Variants in CEP85L observed in about 807,000 individuals in gnomAD.
CEP85L encodes centrosomal protein 85L.
CEP85L carries 60 observed loss-of-function variants against 100.3 expected under a neutral mutation model. That is an observed-to-expected ratio of 0.60 (90% CI 0.49 to 0.74). The LOEUF (loss-of-function observed/expected upper bound fraction) is 0.74, where lower values mean the gene tolerates loss of function less well. CEP85L is among the 30% of genes least tolerant of loss of function. The pLI is 0.00. For synonymous variants in CEP85L, 319 were observed against 322.7 expected, an observed-to-expected ratio of 0.99 and a Z score of 0.12; for missense variants, 973 against 936.2, an observed-to-expected ratio of 1.04 and a Z score of -0.51.
At chr6:118,529,575 T>C (rs1777166210) in intron 3 of CEP85L, among the ~76,000 whole-genome samples, 2 of 124,446 alleles carry the variant, frequency 1.6e-5, no homozygotes, top group South Asian at 2.5e-4. Context: ...ACCACTGCAC[T>C]ACAGCCTGGG....
chr6:118,520,097 A>G (rs1469802222), intron 4 of CEP85L, among the ~76,000 whole-genome samples: 1 of 152,220 alleles, frequency 6.6e-6, no homozygotes, highest in Non-Finnish European at 1.5e-5. Context: ...ATCACACTTA[A>G]TGGTGAAAGG....
intron 3 of CEP85L, among the ~76,000 whole-genome samples, chr6:118,558,654 C>CAGAGAGAGAGAGAGAGAGAG (rs1376671743): frequency 2.3e-5 from 3 of 131,544 alleles, no homozygotes; most frequent in African/African-American, 9.8e-5. Flanking sequence ...CACACACACA[C>CAGAGAGAGAGAGAGAGAGAG]ACACACAGAG....
intron 1 of CEP85L, among the ~76,000 whole-genome samples, chr6:118,701,312 AC>A (rs1161963799): frequency 2.0e-5 from 3 of 152,228 alleles, no homozygotes; most frequent in Non-Finnish European, 2.9e-5. Context: ...TGCCAAAAAA[AC>A]ACATGCACTC....
intron 5 of CEP85L, chr6:118,503,050 T>A (rs1775408141): frequency 4.7e-6 from 1 of 212,974 alleles, no homozygotes; most frequent in Non-Finnish European, 9.5e-6. Flanking sequence ...TTCGGAACAG[T>A]GAAAACAAAC....
chr6:118,628,549 A>G (rs1246719535), intron 2 of CEP85L, among the ~76,000 whole-genome samples: 1 of 151,976 alleles, frequency 6.6e-6, no homozygotes. Context: ...TTAATTAAAA[A>G]AAAAAGGAGA....
intron 2 of CEP85L, among the ~76,000 whole-genome samples, chr6:118,570,456 T>C (rs891365498): frequency 3.3e-5 from 5 of 152,196 alleles, no homozygotes; most frequent in African/African-American, 1.2e-4. Context: ...CTCAGTACTT[T>C]CCAAATGCAA....
chr6:118,568,326 T>A (rs1010019814), intron 2 of CEP85L, among the ~76,000 whole-genome samples: 2 of 152,234 alleles, frequency 1.3e-5, no homozygotes, highest in African/African-American at 4.8e-5. Context: ...TTCCTAAAAA[T>A]TCTGTGAAGC....
upstream of CEP85L, chr6:118,652,536 G>A: frequency 1.4e-6 from 2 of 1,403,610 alleles, no homozygotes; most frequent in Non-Finnish European, 1.9e-6. Flanking sequence ...TCGGAACGCA[G>A]GTCGCTTAAC....
chr6:118,656,594 G>A (rs1036742086), upstream of CEP85L, among the ~76,000 whole-genome samples: 1 of 152,154 alleles, frequency 6.6e-6, no homozygotes, highest in Non-Finnish European at 1.5e-5. Context: ...AACTTTTAGT[G>A]CCTGTAGGAC....
Position 118,483,873 on chromosome 6 carries a change from T to C in CEP85L, c.1438-15A>G, listed in dbSNP as rs1342464568. On this transcript the variant is annotated splice_polypyrimidine_tract_variant and intron_variant, in intron 6 of 12. Transcript: ENST00000368491. ...CTAGTTTTAAGCTAAAAGCAAACAA[T>C]TATGAACCTTCAGTAGTTTTCAGTC... 1.9e-6 allele frequency: 3 copies of C among 1,608,746 alleles called. No individual in the cohort carries two copies.
intron 4 of CEP85L, among the ~76,000 whole-genome samples, chr6:118,521,962 T>A (rs781582600): frequency 6.6e-6 from 1 of 152,116 alleles, no homozygotes; most frequent in Non-Finnish European, 1.5e-5. Context: ...TTAACTTATA[T>A]CCAATGGAAT....
At chr6:118,668,087 A>T (rs1776185895) in intron 1 of CEP85L, among the ~76,000 whole-genome samples, 1 of 152,236 alleles carries the variant, frequency 6.6e-6, no homozygotes, top group Admixed American at 6.5e-5. Flanking sequence ...GTAGATAACA[A>T]CAACAAAACA....
intron 2 of CEP85L, among the ~76,000 whole-genome samples, chr6:118,574,349 A>T (rs1780089534): frequency 6.6e-6 from 1 of 152,222 alleles, no homozygotes; most frequent in Non-Finnish European, 1.5e-5. Flanking sequence ...TAACACAGAA[A>T]CAGGAACTGC....
At chr6:118,502,435 A>T in intron 5 of CEP85L, 1 of 529,002 alleles carries the variant, frequency 1.9e-6, no homozygotes, top group Non-Finnish European at 3.7e-6. Context: ...TAAGAGTTGG[A>T]GATATCACCT....
chr6:118,522,703 C>T (rs930666825), intron 4 of CEP85L, among the ~76,000 whole-genome samples: 7 of 152,024 alleles, frequency 4.6e-5, no homozygotes, highest in African/African-American at 1.7e-4. Flanking sequence ...CACGGCAAAA[C>T]CCTGTCCCTA....
chr6:118,482,384 A>T (rs1238827242), intron 7 of CEP85L, among the ~76,000 whole-genome samples: 1 of 152,146 alleles, frequency 6.6e-6, no homozygotes, highest in Non-Finnish European at 1.5e-5. Context: ...ATTTCCTGGT[A>T]ACCAACTTTC....
In CEP85L at chr6:118,552,495, G is replaced by A. The variant is rs568201430; in HGVS notation, c.1020+13034C>T. ...TTACATTGCTAAAACAGGACTCACT[G>A]CAGACAAAGTAAGGACTCCTGAAGG... On this transcript the variant is annotated intron_variant, in intron 3 of 12. Transcript: ENST00000368491. Among the ~76,000 whole-genome samples, 15 of 152,096 alleles carry A rather than the reference G, an allele frequency of 9.9e-5. No individual in the cohort carries two copies. The South Asian group carries it at 1.0e-3, about 11-fold the overall frequency.
chr6:118,500,274 T>C (rs1775196014), intron 5 of CEP85L, among the ~76,000 whole-genome samples: 1 of 152,020 alleles, frequency 6.6e-6, no homozygotes. Context: ...GAGCCAAAAA[T>C]GCCAAAGGGA....
chr6:118,553,237 ACT>A (rs750739024), intron 3 of CEP85L, among the ~76,000 whole-genome samples: 1 of 149,450 alleles, frequency 6.7e-6, no homozygotes, highest in Admixed American at 6.6e-5. Context: ...AAAAAAGGAA[ACT>A]CATACAGTGG....
Sources: gnomAD v4.1 joint callset for allele counts (sites outside exome capture counted in the v4.1 genomes callset) on GRCh38, gnomAD v4.1.1 for gene constraint, MANE v1.5 for transcripts, NCBI Gene and HGNC (gene_info 2026-07-23, HGNC 2026-07-21) for gene names.